The following TAOK1 variants were observed in gnomAD, a reference collection of about 807,000 sequenced individuals.
TAOK1 encodes the protein serine/threonine-protein kinase TAO1.
Under a neutral mutation model 138.3 loss-of-function variants are expected in TAOK1, and 21 were observed. The observed-to-expected ratio is 0.15, with a 90% CI of 0.11 to 0.22. The LOEUF is 0.22. Among genes scored for constraint, TAOK1 ranks in the 10% least tolerant of loss-of-function variants. The pLI, the probability that TAOK1 is intolerant of heterozygous loss-of-function variation, is 1.00. For missense variants in TAOK1, 651 were observed against 1,227.7 expected (o/e 0.53, Z 7.02); for synonymous variants, 361 against 398.4 (o/e 0.91, Z 1.12).
chr17:29,483,369 C>CAGT (rs2153027006), intron 8 of TAOK1, among the ~76,000 whole-genome samples: 2 of 152,190 alleles, frequency 1.3e-5, no homozygotes, highest in Admixed American at 1.3e-4. Context: ...TGAGCCACTG[C>CAGT]GCTCATCTAA....
At chr17:29,488,585 T>A (rs889815575) in intron 8 of TAOK1, among the ~76,000 whole-genome samples, 3 of 146,048 alleles carry the variant, frequency 2.1e-5, no homozygotes, top group South Asian at 4.4e-4. Flanking sequence ...AAAATAATAA[T>A]AATAATAATA....
In TAOK1 at chr17:29,521,795, G is replaced by C. The variant is rs1298533449; in HGVS notation, c.1909-485G>C. On this transcript the variant is annotated intron_variant, in intron 16 of 19. Coordinates refer to ENST00000261716, the MANE Select transcript of TAOK1 (RefSeq NM_020791.4). The stretch of plus-strand genomic sequence containing the variant: ...GACGGGATTTCACCCTGTTAGCCAG[G>C]ATGGTCTCGATCTCCTGACCTCGTG... 5.9e-5 allele frequency among the ~76,000 whole-genome samples: 9 copies of C among 152,190 alleles called. No individual in the cohort carries two copies. The South Asian group carries it at 1.7e-3, about 28-fold the overall frequency.
intron 13 of TAOK1, among the ~76,000 whole-genome samples, 187 bp from the exon 14 acceptor site, chr17:29,507,709 A>AT (rs1177582116): frequency 6.6e-6 from 1 of 152,096 alleles, no homozygotes; most frequent in Middle Eastern, 3.2e-3. Flanking sequence ...AGGTTCTTTT[A>AT]TATCCCCATA....
intron 1 of TAOK1, among the ~76,000 whole-genome samples, chr17:29,399,200 G>T (rs1406454265): frequency 4.6e-5 from 7 of 151,978 alleles, no homozygotes; most frequent in Non-Finnish European, 1.0e-4. Flanking sequence ...GCCTGGTCTG[G>T]TATCGAACTC....
At chr17:29,451,336 A>G (rs753000392) in intron 1 of TAOK1, 119 bp from the exon 2 acceptor site, 12 of 391,458 alleles carry the variant, frequency 3.1e-5, no homozygotes, top group Non-Finnish European at 5.3e-5. Flanking sequence ...TAGTACCCAC[A>G]CTGCCTTTTC....
At chr17:29,398,198 G>C (rs1904723320) in intron 1 of TAOK1, among the ~76,000 whole-genome samples, 1 of 151,688 alleles carries the variant, frequency 6.6e-6, no homozygotes, top group Admixed American at 6.6e-5. Context: ...AACTATTTAT[G>C]CCTCACCTTT....
At chr17:29,506,202 T>C (rs1333252423) in intron 13 of TAOK1, among the ~76,000 whole-genome samples, 1 of 152,198 alleles carries the variant, frequency 6.6e-6, no homozygotes, top group Non-Finnish European at 1.5e-5. Flanking sequence ...AGCTAAGTCA[T>C]GGAATCAACC....
chr17:29,392,164 C>G (rs367737461), intron 1 of TAOK1, among the ~76,000 whole-genome samples: 1 of 151,936 alleles, frequency 6.6e-6, no homozygotes, highest in Non-Finnish European at 1.5e-5. Flanking sequence ...TGCAGTGAGG[C>G]GAGATGGTGC....
chr17:29,407,165 C>T (rs1905016334), intron 1 of TAOK1, among the ~76,000 whole-genome samples: 1 of 152,010 alleles, frequency 6.6e-6, no homozygotes, highest in Non-Finnish European at 1.5e-5. Flanking sequence ...ACTATAGGCA[C>T]ATACAGGAAT....
At chr17:29,437,037 T>G (rs1435771758) in intron 1 of TAOK1, among the ~76,000 whole-genome samples, 1 of 102,812 alleles carries the variant, frequency 9.7e-6, no homozygotes, top group Non-Finnish European at 1.8e-5. Flanking sequence ...TCAAAAAGTT[T>G]AAAGAAGAAA....
intron 6 of TAOK1, among the ~76,000 whole-genome samples, chr17:29,478,677 C>A (rs138164670): frequency 6.6e-6 from 1 of 152,018 alleles, no homozygotes; most frequent in Non-Finnish European, 1.5e-5. Context: ...CTCATTTTAC[C>A]GGTAAAATCA....
chr17:29,451,718 A>G (rs1342993616), intron 2 of TAOK1, 38 bp downstream of exon 2: 2 of 1,598,270 alleles, frequency 1.3e-6, no homozygotes, highest in Non-Finnish European at 1.7e-6. Context: ...ACTAAAATTT[A>G]CTTAATGTCC....
intron 3 of TAOK1, among the ~76,000 whole-genome samples, chr17:29,467,715 A>T (rs1480080860): frequency 6.6e-6 from 1 of 152,088 alleles, no homozygotes; most frequent in Admixed American, 6.6e-5. Context: ...AAACCGATGT[A>T]CCCATTTAAC....
At chr17:29,468,674 A>G (rs2030740920) in intron 3 of TAOK1, among the ~76,000 whole-genome samples, 1 of 151,830 alleles carries the variant, frequency 6.6e-6, no homozygotes, top group Non-Finnish European at 1.5e-5. Flanking sequence ...CAGCCTCCCA[A>G]GTAGCTGGGA....
At chr17:29,464,430 C>T (rs577263224) in intron 2 of TAOK1, among the ~76,000 whole-genome samples, 51 of 141,542 alleles carry the variant, frequency 3.6e-4, no homozygotes, top group African/African-American at 1.3e-3. Context: ...GACTACTAAG[C>T]GAGACTCCAT....
chr17:29,533,836 A>AGGGAGACCGTG (rs2032175140), intron 18 of TAOK1, among the ~76,000 whole-genome samples: 1 of 120,180 alleles, frequency 8.3e-6, no homozygotes, highest in Non-Finnish European at 1.7e-5. Flanking sequence ...CCGTGGGGAG[A>AGGGAGACCGTG]GGGAGGGGGA....
chr17:29,515,472 G>A (rs1462579864), intron 15 of TAOK1, among the ~76,000 whole-genome samples: 1 of 152,142 alleles, frequency 6.6e-6, no homozygotes, highest in Non-Finnish European at 1.5e-5. Flanking sequence ...TAGCTGTGCA[G>A]AGACAAAAGA....
chr17:29,509,663 G>T (rs1357444759), intron 14 of TAOK1, among the ~76,000 whole-genome samples: 1 of 151,978 alleles, frequency 6.6e-6, no homozygotes, highest in Non-Finnish European at 1.5e-5. Context: ...GGAGGCCGAG[G>T]TGAGAAGATT....
intron 10 of TAOK1, 45 bp downstream of exon 10, chr17:29,491,910 G>C (rs745540409): frequency 6.9e-7 from 1 of 1,451,504 alleles, no homozygotes; most frequent in South Asian, 1.2e-5. Flanking sequence ...TTTAAGACAA[G>C]GCCTCACTTT....
Sources: gnomAD v4.1 joint callset for allele counts (sites outside exome capture counted in the v4.1 genomes callset) on GRCh38, gnomAD v4.1.1 for gene constraint, MANE v1.5 for transcripts, NCBI Gene and HGNC (gene_info 2026-07-23, HGNC 2026-07-21) for gene names.